Variants in GOPC observed in about 807,000 individuals in gnomAD.
GOPC encodes the protein golgi associated PDZ and coiled-coil motif containing, also known as Golgi-associated PDZ and coiled-coil motif-containing protein.
Under a neutral mutation model 51.2 loss-of-function variants are expected in GOPC, and 32 were observed. The ratio of observed to expected loss-of-function variants is 0.63; its 90% CI spans 0.47 to 0.84. The LOEUF is 0.84. Among genes scored for constraint, GOPC ranks in the 40% least tolerant of loss-of-function variants. GOPC has a pLI of 0.00. For missense variants in GOPC, 441 were observed against 555.5 expected, an observed-to-expected ratio of 0.79 and a Z score of 2.07; for synonymous variants, 190 against 205.1, an observed-to-expected ratio of 0.93 and a Z score of 0.63.
At chr6:117,580,159 A>G (rs117139955) in intron 1 of GOPC, among the ~76,000 whole-genome samples, 5,432 of 152,224 alleles carry the variant, frequency 0.036, 128 homozygotes, top group Non-Finnish European at 0.051. Context: ...TGGCAGAGAG[A>G]CTAAAAGCCT....
chr6:117,569,866 T>C, intron 6 of GOPC, 130 bp from the exon 7 acceptor site: 2 of 1,019,648 alleles, frequency 2.0e-6, no homozygotes, highest in Non-Finnish European at 2.6e-6. Context: ...AAATGCTGGG[T>C]AAAATTTTAT....
chr6:117,574,369 T>C (rs1446332012), intron 4 of GOPC, among the ~76,000 whole-genome samples: 2 of 152,202 alleles, frequency 1.3e-5, no homozygotes, highest in African/African-American at 4.8e-5. Context: ...CAAAATGATT[T>C]AGTACTAATA....
intron 3 of GOPC, among the ~76,000 whole-genome samples, chr6:117,576,358 C>A (rs911544497): frequency 6.6e-6 from 1 of 151,976 alleles, no homozygotes; most frequent in African/African-American, 2.4e-5. Context: ...AAAACTCAAT[C>A]TAGAATCCTC....
chr6:117,572,027 C>T (rs1364939130), intron 5 of GOPC, among the ~76,000 whole-genome samples: 2 of 152,058 alleles, frequency 1.3e-5, no homozygotes, highest in Admixed American at 1.3e-4. Context: ...TTAATGAGTT[C>T]CAAGGTTTCA....
At chr6:117,589,733 G>A (rs760152823) in intron 1 of GOPC, among the ~76,000 whole-genome samples, 11 of 152,144 alleles carry the variant, frequency 7.2e-5, no homozygotes, top group South Asian at 2.1e-4. Flanking sequence ...GTAATTTGCC[G>A]TAAACCTCAA....
intron 7 of GOPC, among the ~76,000 whole-genome samples, chr6:117,568,579 A>G (rs1779744950): frequency 6.6e-6 from 1 of 152,226 alleles, no homozygotes; most frequent in Non-Finnish European, 1.5e-5. Context: ...GCATTCTTAG[A>G]TCTCTCTTGT....
intron 1 of GOPC, among the ~76,000 whole-genome samples, chr6:117,590,444 T>C (rs998188736): frequency 1.3e-5 from 2 of 151,812 alleles, no homozygotes; most frequent in Non-Finnish European, 2.9e-5. Context: ...TGGTGGTATA[T>C]GGCTGTAGTC....
At chr6:117,581,538 C>A (rs1220701737) in intron 1 of GOPC, among the ~76,000 whole-genome samples, 1 of 151,260 alleles carries the variant, frequency 6.6e-6, no homozygotes, top group African/African-American at 2.4e-5. Flanking sequence ...CCTCCACCTT[C>A]ATCCACAAAG....
intron 1 of GOPC, among the ~76,000 whole-genome samples, chr6:117,590,055 A>C (rs1029291770): frequency 3.9e-5 from 6 of 152,228 alleles, no homozygotes; most frequent in African/African-American, 1.4e-4. Context: ...CACTGTATAC[A>C]TGAATATAGA....
intron 1 of GOPC, among the ~76,000 whole-genome samples, chr6:117,582,895 C>T (rs1583059049): frequency 6.6e-6 from 1 of 151,804 alleles, no homozygotes; most frequent in African/African-American, 2.4e-5. Flanking sequence ...CACACTGGCC[C>T]TCTGCCCTTA....
chr6:117,583,472 G>C (rs1779988842), intron 1 of GOPC, among the ~76,000 whole-genome samples: 2 of 151,982 alleles, frequency 1.3e-5, no homozygotes, highest in African/African-American at 4.8e-5. Flanking sequence ...TGCTTTTTTG[G>C]CATGAGTTCT....
chr6:117,567,719 T>C (rs2114604563), intron 7 of GOPC, among the ~76,000 whole-genome samples: 1 of 152,124 alleles, frequency 6.6e-6, no homozygotes, highest in South Asian at 2.1e-4. Flanking sequence ...ATAGTCTCTT[T>C]TACATGAACG....
chr6:117,564,949 C>A (rs963521020), intron 8 of GOPC, among the ~76,000 whole-genome samples: 1 of 152,120 alleles, frequency 6.6e-6, no homozygotes, highest in African/African-American at 2.4e-5. Flanking sequence ...AAACTCCATG[C>A]CAGGAGTTCA....
intron 6 of GOPC, among the ~76,000 whole-genome samples, 167 bp downstream of exon 6, chr6:117,570,693 T>C (rs1687946124): frequency 6.6e-6 from 1 of 152,062 alleles, no homozygotes; most frequent in South Asian, 2.1e-4. Flanking sequence ...GAATATTTAT[T>C]TCTTAAAAAA....
In GOPC at chr6:117,563,314, T is replaced by C; in HGVS notation, c.1329A>G (p.Leu443=). Residue 443 remains leucine (L), a synonymous_variant, in exon 9 of 9, where the codon CTA becomes CTG. Transcript: ENST00000368498. ...CATCTAATTTTGAAGCACCGTCATCTAGCGGAGTTTCACTTGCAGTGCCCA... is the reference window on the plus strand; with the variant it reads ...CATCTAATTTTGAAGCACCGTCATCCAGCGGAGTTTCACTTGCAGTGCCCA... ...GDLGTASETP[L]DDGASKLDDL... 2.5e-6 allele frequency: 4 copies of C among 1,613,166 alleles called. No homozygotes were observed. The highest frequency in any genetic ancestry group is 3.4e-6 in the Non-Finnish European group (4 of 1,179,166).
chr6:117,561,825 TAAATAGCAAAACCACA>T lies in GOPC; in HGVS notation c.*1413_*1428del, dbSNP rs1779589761. On this transcript the variant is annotated 3_prime_UTR_variant, in exon 9 of 9. Transcript: ENST00000368498. ...AGCAACAGTTAAAACATTAAATTTA[TAAATAGCAAAACCACA>T]AAATAAAGTATATACATTTTATAGA... 2 of 207,376 alleles carry T rather than the reference TAAATAGCAAAACCACA, an allele frequency of 9.6e-6. No individual in the cohort carries two copies. Among genetic ancestry groups the T allele is most frequent in the East Asian group, 1.5e-4 (2 of 13,638 alleles). The allele number at this position is 207,376 out of a possible 1,614,324, so 12.8% of individuals were successfully genotyped here.
At chr6:117,597,566 G>A (rs934444050) in intron 1 of GOPC, among the ~76,000 whole-genome samples, 1 of 152,140 alleles carries the variant, frequency 6.6e-6, no homozygotes, top group African/African-American at 2.4e-5. Flanking sequence ...AAACTCACAA[G>A]CATGTGGAAA....
At chr6:117,588,571 T>G (rs948766749) in intron 1 of GOPC, among the ~76,000 whole-genome samples, 23 of 152,062 alleles carry the variant, frequency 1.5e-4, no homozygotes, top group African/African-American at 5.6e-4. Context: ...TTATCCTCTA[T>G]TAAGCCAGGA....
At chr6:117,565,166 C>G (rs1402997037) in intron 8 of GOPC, among the ~76,000 whole-genome samples, 1 of 151,938 alleles carries the variant, frequency 6.6e-6, no homozygotes, top group Non-Finnish European at 1.5e-5. Context: ...CTCTATGTTC[C>G]AAACAAAAAA....
Sources: gnomAD v4.1 joint callset for allele counts (sites outside exome capture counted in the v4.1 genomes callset) on GRCh38, gnomAD v4.1.1 for gene constraint, MANE v1.5 for transcripts, NCBI Gene and HGNC (gene_info 2026-07-23, HGNC 2026-07-21) for gene names.